FRMPD1: variants seen among roughly 807,000 people sequenced by gnomAD.
FRMPD1 encodes the protein FERM and PDZ domain-containing protein 1.
FRMPD1 carries 76 observed loss-of-function variants against 117.8 expected under a neutral mutation model. The ratio of observed to expected loss-of-function variants is 0.65; its 90% CI spans 0.54 to 0.78. The LOEUF is 0.78. FRMPD1 is among the 30% of genes least tolerant of loss of function. FRMPD1 has a pLI of 0.00. For synonymous variants in FRMPD1, 783 were observed against 770.4 expected (o/e 1.02, Z -0.27); for missense variants, 1,786 against 1,964.5 (o/e 0.91, Z 1.72).
At chr9:37,643,956 G>C in the FRMPD1 span, among the ~76,000 whole-genome samples, 1 of 152,206 alleles carries the variant, frequency 6.6e-6, no homozygotes, top group East Asian at 1.9e-4. Flanking sequence ...TATTGCAAGG[G>C]CATCTGGTGG....
the FRMPD1 span, among the ~76,000 whole-genome samples, chr9:37,618,585 C>G: frequency 6.6e-6 from 1 of 152,238 alleles, no homozygotes; most frequent in African/African-American, 2.4e-5. Flanking sequence ...GTGTCAATAC[C>G]TTACAAGTAT....
At chr9:37,673,499 T>G (rs1371527394) in intron 1 of FRMPD1, among the ~76,000 whole-genome samples, 3 of 152,212 alleles carry the variant, frequency 2.0e-5, no homozygotes, top group Admixed American at 2.0e-4. Flanking sequence ...TCTACCATTC[T>G]GGGGTCTGGA....
chr9:37,696,863 A>AT (rs934143439), intron 2 of FRMPD1, among the ~76,000 whole-genome samples: 1 of 152,078 alleles, frequency 6.6e-6, no homozygotes, highest in Non-Finnish European at 1.5e-5. Context: ...TGTCTTTGGC[A>AT]TTTTTTTCCC....
chr9:37,639,767 C>T, the FRMPD1 span, among the ~76,000 whole-genome samples: 27 of 152,132 alleles, frequency 1.8e-4, no homozygotes, highest in Non-Finnish European at 3.4e-4. Flanking sequence ...CTCAAGCCAT[C>T]CTCCCGCCTC....
chr9:37,669,686 G>A (rs1335328903), intron 1 of FRMPD1: 1 of 152,128 alleles, frequency 6.6e-6, no homozygotes, highest in Admixed American at 6.6e-5. Flanking sequence ...TGAAAGATAG[G>A]TGGGCCAAAA....
the FRMPD1 span, among the ~76,000 whole-genome samples, chr9:37,638,998 A>G: frequency 6.6e-6 from 1 of 152,254 alleles, no homozygotes. Flanking sequence ...TAAATGTGTA[A>G]CAGTTCCATA....
At chr9:37,707,659 C>A in intron 3 of FRMPD1, 86 bp downstream of exon 3, 1 of 1,121,564 alleles carries the variant, frequency 8.9e-7, no homozygotes, top group Non-Finnish European at 1.3e-6. Flanking sequence ...TATCCTATAA[C>A]AAAATGCAGA....
the FRMPD1 span, among the ~76,000 whole-genome samples, chr9:37,640,083 C>T: frequency 6.6e-6 from 1 of 152,126 alleles, no homozygotes; most frequent in African/African-American, 2.4e-5. Flanking sequence ...TGGCCTCAAG[C>T]AAATGGTTTA....
At chr9:37,729,671 G>GTAGT in intron 7 of FRMPD1, 57 bp from the exon 8 acceptor site, 1 of 1,585,874 alleles carries the variant, frequency 6.3e-7, no homozygotes, top group South Asian at 1.1e-5. Flanking sequence ...TGGCAGGAAG[G>GTAGT]CCAGGGAAGT....
At chr9:37,684,713 A>G (rs1018236192) in intron 1 of FRMPD1, among the ~76,000 whole-genome samples, 3 of 152,172 alleles carry the variant, frequency 2.0e-5, no homozygotes, top group African/African-American at 7.2e-5. Context: ...GACTGAATCA[A>G]TGTGGGGCAC....
intron 1 of FRMPD1, among the ~76,000 whole-genome samples, chr9:37,686,053 A>G (rs1821929987): frequency 6.6e-6 from 1 of 152,200 alleles, no homozygotes; most frequent in Non-Finnish European, 1.5e-5. Flanking sequence ...TTTTATATTC[A>G]CATTGTTCCA....
rs1824591169 is a variant in FRMPD1 at position 37,744,613 on chromosome 9, G to A, written c.2581G>A (p.Glu861Lys). The A allele has an allele frequency of 6.2e-7, 1 of 1,613,964 alleles. No homozygotes were observed. Among genetic ancestry groups the A allele is most frequent in the African/African-American group, 1.3e-5 (1 of 74,930 alleles). ...SFPLVPSASLESVDDVCYYDR... is the reference protein window; with the variant it reads ...SFPLVPSASLKSVDDVCYYDR... ...TCCCCTGGTGCCATCAGCCTCCCTG[G>A]AGAGTGTAGACGACGTGTGCTACTA... The change falls in exon 16 of 16, where the codon GAG becomes AAG. Residue 861 changes from glutamate (E) to lysine (K), a missense_variant. Glu to Lys is a moderately conservative substitution (Grantham distance 56). Coordinates refer to ENST00000377765, the MANE Select transcript of FRMPD1 (RefSeq NM_014907.3).
chr9:37,702,024 A>G (rs903483990), intron 2 of FRMPD1, among the ~76,000 whole-genome samples: 4 of 152,224 alleles, frequency 2.6e-5, no homozygotes, highest in East Asian at 1.9e-4. Flanking sequence ...CATTATCCTT[A>G]TGATACCATT....
At chr9:37,645,099 A>AG in the FRMPD1 span, among the ~76,000 whole-genome samples, 21 of 133,196 alleles carry the variant, frequency 1.6e-4, no homozygotes, top group Middle Eastern at 3.7e-3. Flanking sequence ...CTGAGCCAGC[A>AG]GAAAAAAAAA....
chr9:37,625,960 C>T, the FRMPD1 span, among the ~76,000 whole-genome samples: 1 of 152,216 alleles, frequency 6.6e-6, no homozygotes, highest in East Asian at 1.9e-4. Context: ...CGGCGGCTCA[C>T]GCCTGTAGTC....
intron 9 of FRMPD1, 75 bp from the exon 10 acceptor site, chr9:37,732,229 C>T: frequency 6.6e-7 from 1 of 1,507,582 alleles, no homozygotes; most frequent in East Asian, 2.3e-5. Context: ...GGTCCTGCTG[C>T]CTTTCACCCG....
chr9:37,626,482 A>C, the FRMPD1 span, among the ~76,000 whole-genome samples: 112 of 132,356 alleles, frequency 8.5e-4, no homozygotes, highest in African/African-American at 2.7e-3. Flanking sequence ...TCCAGCCTGG[A>C]CGACAGAGAC....
At chr9:37,629,970 C>G in the FRMPD1 span, among the ~76,000 whole-genome samples, 1 of 152,068 alleles carries the variant, frequency 6.6e-6, no homozygotes, top group East Asian at 1.9e-4. Context: ...TGGTGAGGAC[C>G]TTTTTCTGGG....
At chr9:37,655,496 CTTTTTT>C (rs10615941) in intron 1 of FRMPD1, among the ~76,000 whole-genome samples, 2,466 of 88,490 alleles carry the variant, frequency 0.028, 33 homozygotes, top group African/African-American at 0.042. Flanking sequence ...TGTCCCCACT[CTTTTTT>C]TTTTTTTTTT....
Sources: gnomAD v4.1 joint callset for allele counts (sites outside exome capture counted in the v4.1 genomes callset) on GRCh38, gnomAD v4.1.1 for gene constraint, MANE v1.5 for transcripts, NCBI Gene and HGNC (gene_info 2026-07-23, HGNC 2026-07-21) for gene names.